Variants in PACS1 observed in about 807,000 individuals in gnomAD.
The protein encoded by PACS1 is PACS-1.
Under a neutral mutation model 115.0 loss-of-function variants are expected in PACS1, and 24 were observed. That is an observed-to-expected ratio of 0.21 (90% CI 0.15 to 0.29). The LOEUF (loss-of-function observed/expected upper bound fraction) is 0.29. PACS1 is among the 10% of genes least tolerant of loss of function. The pLI is 1.00. For missense variants in PACS1, 838 were observed against 1,251.2 expected (o/e 0.67, Z 4.98); for synonymous variants, 453 against 504.5 (o/e 0.90, Z 1.37).
At chr11:66,090,596 G>C (rs1278390271) in intron 1 of PACS1, among the ~76,000 whole-genome samples, 2 of 152,080 alleles carry the variant, frequency 1.3e-5, no homozygotes, top group Non-Finnish European at 2.9e-5. Flanking sequence ...TTCTAAAAGT[G>C]TGTGTATGTA....
At chr11:66,222,143 CT>C (rs1205192943) in intron 10 of PACS1, among the ~76,000 whole-genome samples, 2 of 152,108 alleles carry the variant, frequency 1.3e-5, no homozygotes, top group Non-Finnish European at 2.9e-5. Context: ...CCCTTCGTGT[CT>C]GTTCTGTGGT....
At chr11:66,220,249 C>G (rs1451955986) in intron 8 of PACS1, 2 of 282,280 alleles carry the variant, frequency 7.1e-6, no homozygotes, top group African/African-American at 4.4e-5. Flanking sequence ...CCGGGAGGGG[C>G]CCGTTTCCAC....
chr11:66,186,829 T>C (rs1432019036), intron 1 of PACS1, among the ~76,000 whole-genome samples: 1 of 149,090 alleles, frequency 6.7e-6, no homozygotes. Flanking sequence ...ATATAAGCCC[T>C]GTGGGTTTCT....
At chr11:66,225,016 A>G (rs1375216458) in intron 10 of PACS1, among the ~76,000 whole-genome samples, 1 of 152,230 alleles carries the variant, frequency 6.6e-6, no homozygotes, top group East Asian at 1.9e-4. Context: ...ACACAATGGC[A>G]ACATAATTTG....
chr11:66,186,412 C>A (rs1397531321), intron 1 of PACS1, among the ~76,000 whole-genome samples: 1 of 152,138 alleles, frequency 6.6e-6, no homozygotes, highest in Non-Finnish European at 1.5e-5. Context: ...TGTACTTCTT[C>A]CCCTCAACCT....
chr11:66,077,916 G>A (rs1470682404), intron 1 of PACS1, among the ~76,000 whole-genome samples: 1 of 151,980 alleles, frequency 6.6e-6, no homozygotes, highest in Non-Finnish European at 1.5e-5. Flanking sequence ...TGGCCAGGCT[G>A]GTCTCGAACT....
intron 1 of PACS1, among the ~76,000 whole-genome samples, chr11:66,123,075 A>C (rs541475259): frequency 6.6e-6 from 1 of 152,298 alleles, no homozygotes; most frequent in Admixed American, 6.5e-5. Context: ...ATTGTCACAG[A>C]TACCCCAACC....
intron 1 of PACS1, among the ~76,000 whole-genome samples, chr11:66,129,715 ATCTTT>A (rs1858661063): frequency 6.6e-6 from 1 of 152,018 alleles, no homozygotes; most frequent in Non-Finnish European, 1.5e-5. Flanking sequence ...CTTGTGCTGC[ATCTTT>A]ATTTTTCCCT....
At chr11:66,160,872 T>G (rs564453897) in intron 1 of PACS1, among the ~76,000 whole-genome samples, 2 of 151,952 alleles carry the variant, frequency 1.3e-5, no homozygotes, top group Admixed American at 6.6e-5. Flanking sequence ...AATAGAACAG[T>G]GTTAGCATCT....
intron 1 of PACS1, among the ~76,000 whole-genome samples, chr11:66,172,414 TGG>T (rs1859761052): frequency 6.6e-6 from 1 of 152,196 alleles, no homozygotes; most frequent in African/African-American, 2.4e-5. Flanking sequence ...TGCTCTTTCT[TGG>T]GCCACTCACT....
intron 2 of PACS1, among the ~76,000 whole-genome samples, chr11:66,200,317 C>G (rs1313731447): frequency 5.3e-5 from 8 of 152,166 alleles, no homozygotes; most frequent in Admixed American, 1.3e-4. Context: ...TGCCAGTACA[C>G]TCCACCTTGG....
chr11:66,221,910 G>A (rs1472688856), intron 10 of PACS1, among the ~76,000 whole-genome samples: 1 of 152,190 alleles, frequency 6.6e-6, no homozygotes, highest in Non-Finnish European at 1.5e-5. Context: ...GAGCCTAGGA[G>A]TTCGAAACCA....
chr11:66,208,797 T>G (rs954827339), intron 2 of PACS1, among the ~76,000 whole-genome samples: 2 of 152,138 alleles, frequency 1.3e-5, no homozygotes, highest in Non-Finnish European at 2.9e-5. Flanking sequence ...AATTTATTTT[T>G]TTGGATTACA....
intron 2 of PACS1, among the ~76,000 whole-genome samples, chr11:66,199,932 T>C (rs1854740445): frequency 6.6e-6 from 1 of 151,866 alleles, no homozygotes; most frequent in South Asian, 2.1e-4. Flanking sequence ...GGCAGGAGAA[T>C]CGCTGGAATC....
intron 1 of PACS1, among the ~76,000 whole-genome samples, chr11:66,087,343 T>C (rs1857590964): frequency 6.6e-6 from 1 of 151,972 alleles, no homozygotes; most frequent in Admixed American, 6.5e-5. Context: ...CAGGTTCAAG[T>C]GATTCTCCTG....
chr11:66,135,956 C>T (rs1483440663), intron 1 of PACS1, among the ~76,000 whole-genome samples: 1 of 152,164 alleles, frequency 6.6e-6, no homozygotes, highest in East Asian at 1.9e-4. Context: ...TACACCCAGC[C>T]TCCTGCGCTC....
chr11:66,150,663 G>A (rs1859213494), intron 1 of PACS1, among the ~76,000 whole-genome samples: 1 of 152,060 alleles, frequency 6.6e-6, no homozygotes, highest in African/African-American at 2.4e-5. Flanking sequence ...TTAAAAGTAA[G>A]GTGTTATATT....
chr11:66,239,024 G>A (rs1162224487), intron 20 of PACS1, 118 bp from the exon 21 acceptor site: 1 of 1,505,190 alleles, frequency 6.6e-7, no homozygotes, highest in South Asian at 1.1e-5. Flanking sequence ...GGTGGAAGGA[G>A]CCTGGGGCCA....
At chr11:66,225,576 A>G (rs1855455425) in intron 10 of PACS1, among the ~76,000 whole-genome samples, 1 of 152,186 alleles carries the variant, frequency 6.6e-6, no homozygotes, top group Non-Finnish European at 1.5e-5. Flanking sequence ...ATACATCAAA[A>G]CATGTTGTAT....
Sources: gnomAD v4.1 joint callset for allele counts (sites outside exome capture counted in the v4.1 genomes callset) on GRCh38, gnomAD v4.1.1 for gene constraint, MANE v1.5 for transcripts, NCBI Gene and HGNC (gene_info 2026-07-23, HGNC 2026-07-21) for gene names.